Variants in SYCE3 observed in about 807,000 individuals in gnomAD.
SYCE3 encodes testis highly expressed gene 2 protein.
Under a neutral mutation model 8.1 loss-of-function variants are expected in SYCE3, and 3 were observed. The ratio of observed to expected loss-of-function variants is 0.37; its 90% CI spans 0.17 to 0.96. SYCE3 has a LOEUF of 0.96. Ranked by LOEUF, SYCE3 falls within the 40% of genes least tolerant of loss-of-function variation. The pLI, the probability that SYCE3 is intolerant of heterozygous loss-of-function variation, is 0.41. For missense variants in SYCE3, 83 were observed against 110.0 expected (o/e 0.75, Z 1.10); for synonymous variants, 36 against 38.7 (o/e 0.93, Z 0.26).
At position 50,561,353 on chromosome 22, in the gene SYCE3, G is replaced by C. The variant is rs567717333; in HGVS notation, c.-1+1505C>G. Among the ~76,000 whole-genome samples, 192 of 152,220 alleles carry C rather than the reference G, an allele frequency of 1.3e-3. 1 individual carries two copies. The highest frequency in any genetic ancestry group is 9.1e-3 in the South Asian group (44 of 4,826). ...GATCTGAAAAGGAGATCCAGGGAGAGGGTGTGAGAGCTGATGTGGAGGAAG... is the reference window on the plus strand; with the variant it reads ...GATCTGAAAAGGAGATCCAGGGAGACGGTGTGAGAGCTGATGTGGAGGAAG... On this transcript the variant is annotated intron_variant, in intron 1 of 2. Coordinates refer to ENST00000406915, the MANE Select transcript of SYCE3 (RefSeq NM_001123225.3).
At chr22:50,560,211 T>C (rs758167901) in intron 1 of SYCE3, among the ~76,000 whole-genome samples, 3 of 152,204 alleles carry the variant, frequency 2.0e-5, no homozygotes, top group Non-Finnish European at 4.4e-5. Context: ...TATTTGGGCA[T>C]GGCAGGCCCA....
intron 1 of SYCE3, among the ~76,000 whole-genome samples, chr22:50,562,109 G>GT (rs1569034804): frequency 1.2e-4 from 1 of 8,642 alleles, no homozygotes; most frequent in Non-Finnish European, 2.7e-4. Flanking sequence ...GGGGAGCGGG[G>GT]GAGGGGTGAG....
intron 2 of SYCE3, among the ~76,000 whole-genome samples, chr22:50,554,919 A>G (rs1350909274): frequency 6.6e-6 from 1 of 151,308 alleles, no homozygotes; most frequent in Non-Finnish European, 1.5e-5. Context: ...TCAGGAGATC[A>G]AGACCATCCT....
chr22:50,561,914 C>T lies in SYCE3; in HGVS notation c.-1+944G>A, dbSNP rs1015063973. ...TGGGGTGTGAGGTGGTGTGTGGACT[C>T]CGGGGTCCCAGGTGTGGCAGGTGTG... On this transcript the variant is annotated intron_variant, in intron 1 of 2. Coordinates refer to ENST00000406915, the MANE Select transcript of SYCE3 (RefSeq NM_001123225.3). Among the ~76,000 whole-genome samples the T allele has an allele frequency of 4.8e-5, 7 of 146,494 alleles. No individual in the cohort carries two copies. In the South Asian group the frequency reaches 1.1e-3, roughly 23 times the overall value.
chr22:50,553,111 A>G (rs2069826492), intron 2 of SYCE3, among the ~76,000 whole-genome samples: 1 of 152,174 alleles, frequency 6.6e-6, no homozygotes, highest in South Asian at 2.1e-4. Context: ...GATGAAAAAA[A>G]GGATCCCTTG....
rs141201550 is a variant in SYCE3 at position 50,554,845 on chromosome 22, A to G, written c.109+1452T>C. On this transcript the variant is annotated intron_variant, in intron 2 of 2. Coordinates refer to ENST00000406915, the MANE Select transcript of SYCE3 (RefSeq NM_001123225.3). ...CTGTCTCTATTAAAAATACAAGGCC[A>G]GGCGCGGTGGTTTACGCCTGTAATC... Among the ~76,000 whole-genome samples, 1,264 of 151,744 alleles carry G rather than the reference A, an allele frequency of 8.3e-3. 11 individuals are homozygous for G. Among genetic ancestry groups the G allele is most frequent in the Middle Eastern group, 0.031 (9 of 294 alleles).
rs116679391 is a variant in SYCE3, at chr22:50,556,093, G to A, written c.109+204C>T. ...CAGGAGTGAGCCACCGCGCCCGGCC[G>A]AACCAGTGTACATCTTACAGGTACT... is the stretch of plus-strand genomic sequence containing the variant. On this transcript the variant is annotated intron_variant, in intron 2 of 2. Coordinates refer to ENST00000406915, the MANE Select transcript of SYCE3 (RefSeq NM_001123225.3). 6.8e-3 allele frequency among the ~76,000 whole-genome samples: 1,034 copies of A among 151,982 alleles called. 6 individuals carry two copies. The highest frequency in any genetic ancestry group is 0.024 in the African/African-American group (1,001 of 41,480).
At chr22:50,555,077 A>G (rs1333237788) in intron 2 of SYCE3, among the ~76,000 whole-genome samples, 7 of 151,030 alleles carry the variant, frequency 4.6e-5, no homozygotes, top group Admixed American at 2.6e-4. Context: ...AGCCGAGATC[A>G]CGCCACTGTA....
At position 50,559,680 on chromosome 22, in the gene SYCE3, C is replaced by A. The variant is rs564522890; in HGVS notation, c.-1+3178G>T. On this transcript the variant is annotated intron_variant, in intron 1 of 2. Transcript: ENST00000406915. ...GCTTAGTCGGTCATGCCTGTAATCC[C>A]AGCACTTTGGAAGGCAGAGGCGGGG... Among the ~76,000 whole-genome samples, 54 of 152,216 alleles carry A rather than the reference C, an allele frequency of 3.5e-4. 1 individual carries two copies. Among genetic ancestry groups the A allele is most frequent in the African/African-American group, 1.3e-3 (52 of 41,530 alleles).
At chr22:50,559,795 A>G (rs935130557) in intron 1 of SYCE3, among the ~76,000 whole-genome samples, 3 of 152,040 alleles carry the variant, frequency 2.0e-5, no homozygotes, top group Admixed American at 6.5e-5. Flanking sequence ...GGGCATGGTG[A>G]CGGGCGCCTG....
chr22:50,556,210 T>C, intron 2 of SYCE3, 87 bp downstream of exon 2: 1 of 910,882 alleles, frequency 1.1e-6, no homozygotes, highest in Non-Finnish European at 1.7e-6. Context: ...TGAGGCTGTG[T>C]CACAGGTGCA....
At chr22:50,553,265 A>G (rs966500374) in intron 2 of SYCE3, among the ~76,000 whole-genome samples, 3 of 152,066 alleles carry the variant, frequency 2.0e-5, no homozygotes, top group African/African-American at 7.2e-5. Flanking sequence ...GCGCCCAGCC[A>G]TAACGTTTTT....
At chr22:50,559,783 C>A (rs924166318) in intron 1 of SYCE3, among the ~76,000 whole-genome samples, 1 of 152,096 alleles carries the variant, frequency 6.6e-6, no homozygotes, top group Admixed American at 6.5e-5. Flanking sequence ...CAAAAATTAG[C>A]TGGGCATGGT....
chr22:50,555,444 C>T (rs551361192), intron 2 of SYCE3, among the ~76,000 whole-genome samples: 25 of 152,260 alleles, frequency 1.6e-4, no homozygotes, highest in South Asian at 1.5e-3. Flanking sequence ...TGGTTCAAGC[C>T]GTGAGGAGAA....
chr22:50,559,918 A>C (rs2069897886), intron 1 of SYCE3, among the ~76,000 whole-genome samples: 1 of 152,030 alleles, frequency 6.6e-6, no homozygotes, highest in Non-Finnish European at 1.5e-5. Context: ...ACAGAGCAAC[A>C]CTCTGTTCCA....
At chr22:50,551,476 T>G in intron 2 of SYCE3, 74 bp from the exon 3 acceptor site, 1 of 1,454,730 alleles carries the variant, frequency 6.9e-7, no homozygotes, top group Non-Finnish European at 9.2e-7. Flanking sequence ...AAGGGTCAGA[T>G]GCCTCCAGCT....
At chr22:50,557,942 C>T (rs1300425183) in intron 1 of SYCE3, among the ~76,000 whole-genome samples, 1 of 152,162 alleles carries the variant, frequency 6.6e-6, no homozygotes, top group Non-Finnish European at 1.5e-5. Flanking sequence ...CACGGTGCCT[C>T]TTAGCTGGTA....
At chr22:50,552,690 C>T (rs192670834) in intron 2 of SYCE3, among the ~76,000 whole-genome samples, 4 of 152,254 alleles carry the variant, frequency 2.6e-5, no homozygotes, top group African/African-American at 7.2e-5. Flanking sequence ...TGTAAACTGC[C>T]TGGCACACAT....
At position 50,551,266 on chromosome 22, in the gene SYCE3, A is replaced by T; in HGVS notation, c.246T>A (p.His82Gln). The T allele has an allele frequency of 1.3e-6, 2 of 1,551,434 alleles. No homozygotes were observed. The highest frequency in any genetic ancestry group is 1.7e-6 in the Non-Finnish European group (2 of 1,146,962). ...GGGCCTACAGCCTTTGCTTGGTCTC[A>T]TGCAGCAGCTCTTGCCAGTTCTTCT... is the stretch of plus-strand genomic sequence containing the variant. ...EMEKNWQELL[H>Q]ETKQRL The change falls in exon 3 of 3, where the codon CAT (histidine) becomes CAA (glutamine). Residue 82 changes from histidine (H) to glutamine (Q), a missense_variant. Coordinates refer to ENST00000406915, the MANE Select transcript of SYCE3 (RefSeq NM_001123225.3).
Sources: allele counts gnomAD v4.1 joint callset (sites outside exome capture counted in the v4.1 genomes callset), GRCh38; gene constraint gnomAD v4.1.1; transcripts MANE v1.5; gene names NCBI Gene and HGNC (gene_info 2026-07-23, HGNC 2026-07-21).